The following GARIN1B variants were observed in gnomAD, a reference collection of about 807,000 sequenced individuals.
The protein encoded by GARIN1B is Golgi-associated RAB2 interactor protein 1B.
the GARIN1B span, chr7:128,717,097 A>C: frequency 1.0e-5 from 11 of 1,098,084 alleles, no homozygotes; most frequent in East Asian, 2.6e-5. Flanking sequence ...TAGAGATGTC[A>C]TCAGCAGTGA....
the GARIN1B span, chr7:128,729,851 A>C: frequency 1.9e-6 from 3 of 1,585,916 alleles, no homozygotes; most frequent in Non-Finnish European, 2.6e-6. Flanking sequence ...GTAACCTGTA[A>C]GGGCTCTGTG....
the GARIN1B span, among the ~76,000 whole-genome samples, chr7:128,729,444 G>C: frequency 2.0e-5 from 3 of 152,214 alleles, no homozygotes; most frequent in Non-Finnish European, 4.4e-5. Flanking sequence ...CATGCTCCCA[G>C]GTAATGCCCA....
the GARIN1B span, among the ~76,000 whole-genome samples, chr7:128,718,593 G>A: frequency 6.6e-6 from 1 of 152,126 alleles, no homozygotes; most frequent in Non-Finnish European, 1.5e-5. Flanking sequence ...AAATTCCAGG[G>A]CCACACCCAA....
the GARIN1B span, among the ~76,000 whole-genome samples, chr7:128,712,703 C>T: frequency 6.6e-6 from 1 of 152,192 alleles, no homozygotes; most frequent in African/African-American, 2.4e-5. Flanking sequence ...AAAGTGCAAA[C>T]AGTAGTGATT....
chr7:128,719,046 T>C, the GARIN1B span: 1 of 1,614,046 alleles, frequency 6.2e-7, no homozygotes, highest in Non-Finnish European at 8.5e-7. Flanking sequence ...CACTGCCTGG[T>C]ACCCAAGAAC....
the GARIN1B span, among the ~76,000 whole-genome samples, chr7:128,719,448 A>G: frequency 5.3e-4 from 81 of 151,966 alleles, no homozygotes; most frequent in East Asian, 0.011. Context: ...ATTACCCTAA[A>G]AAATACCCCC....
chr7:128,713,899 T>C, the GARIN1B span: 3 of 1,173,468 alleles, frequency 2.6e-6, no homozygotes, highest in South Asian at 1.3e-5. Flanking sequence ...TACTACGCTT[T>C]TGTGCTGTGT....
chr7:128,711,909 C>A, the GARIN1B span, among the ~76,000 whole-genome samples: 3 of 152,142 alleles, frequency 2.0e-5, no homozygotes, highest in African/African-American at 7.2e-5. Context: ...GGCATGTTGG[C>A]AGGTGCCTGC....
chr7:128,713,027 C>T, the GARIN1B span, among the ~76,000 whole-genome samples: 14 of 152,134 alleles, frequency 9.2e-5, no homozygotes, highest in African/African-American at 2.4e-4. Context: ...CAGAATGGGC[C>T]GGGCATGGTG....
the GARIN1B span, chr7:128,724,920 T>C: frequency 7.9e-7 from 1 of 1,259,100 alleles, no homozygotes; most frequent in Non-Finnish European, 1.0e-6. Context: ...TTGCTCTGAC[T>C]GCACCCTTGA....
At chr7:128,714,017 A>G in the GARIN1B span, 4 of 1,533,708 alleles carry the variant, frequency 2.6e-6, no homozygotes, top group South Asian at 4.8e-5. Context: ...CTGGTAAACA[A>G]AAGATAATGA....
At chr7:128,718,792 A>G in the GARIN1B span, 1 of 1,603,658 alleles carries the variant, frequency 6.2e-7, no homozygotes, top group South Asian at 1.1e-5. Flanking sequence ...GATTGGATGC[A>G]ATAGGGTTGT....
the GARIN1B span, among the ~76,000 whole-genome samples, chr7:128,730,875 G>A: frequency 1.3e-5 from 2 of 152,032 alleles, no homozygotes; most frequent in South Asian, 4.2e-4. Flanking sequence ...TCGAACTCTC[G>A]ACCTCAGAAC....
chr7:128,717,007 G>A, the GARIN1B span: 1 of 1,599,284 alleles, frequency 6.3e-7, no homozygotes, highest in Non-Finnish European at 8.5e-7. Flanking sequence ...GGTGAGCAAT[G>A]CAGATGAGAA....
the GARIN1B span, among the ~76,000 whole-genome samples, chr7:128,715,046 T>C: frequency 1.3e-5 from 2 of 151,882 alleles, no homozygotes; most frequent in African/African-American, 4.8e-5. Context: ...GCTTTTAAAG[T>C]TGTGTGAGAT....
the GARIN1B span, chr7:128,713,881 T>G: frequency 6.2e-6 from 6 of 973,370 alleles, no homozygotes; most frequent in Non-Finnish European, 7.6e-6. Context: ...ACGTATCAAT[T>G]TATTAATTAC....
the GARIN1B span, chr7:128,715,328 A>T: frequency 6.6e-7 from 1 of 1,513,196 alleles, no homozygotes; most frequent in Non-Finnish European, 8.8e-7. Flanking sequence ...GATGTCATCC[A>T]TTCATCATTG....
the GARIN1B span, among the ~76,000 whole-genome samples, chr7:128,727,645 C>T: frequency 3.9e-5 from 6 of 152,202 alleles, no homozygotes; most frequent in Non-Finnish European, 5.9e-5. Flanking sequence ...TGCTCACTCA[C>T]TCTTCCTCTA....
At chr7:128,715,693 A>G in the GARIN1B span, 2 of 1,612,746 alleles carry the variant, frequency 1.2e-6, no homozygotes, top group African/African-American at 1.3e-5. Flanking sequence ...TCATCCAGGT[A>G]TTCTTGGGTG....
Sources: gnomAD v4.1 joint callset for allele counts (sites outside exome capture counted in the v4.1 genomes callset) on GRCh38, gnomAD v4.1.1 for gene constraint, MANE v1.5 for transcripts, NCBI Gene and HGNC (gene_info 2026-07-23, HGNC 2026-07-21) for gene names.